Variants in GABRB1 observed in about 807,000 individuals in gnomAD.
GABRB1 encodes the protein gamma-aminobutyric acid receptor subunit beta-1.
A neutral mutation model predicts 51.6 loss-of-function variants in GABRB1; 17 were observed. The observed-to-expected ratio is 0.33, with a 90% CI of 0.23 to 0.49. The LOEUF (loss-of-function observed/expected upper bound fraction) is 0.49, where lower values mean the gene tolerates loss of function less well. Among genes scored for constraint, GABRB1 ranks in the 20% least tolerant of loss-of-function variants. The pLI is 0.99. For missense variants in GABRB1, 410 were observed against 600.6 expected, an observed-to-expected ratio of 0.68 and a Z score of 3.32; for synonymous variants, 247 against 218.9, an observed-to-expected ratio of 1.13 and a Z score of -1.14.
chr4:47,065,652 A>G (rs559278133), intron 3 of GABRB1, among the ~76,000 whole-genome samples: 42 of 152,362 alleles, frequency 2.8e-4, no homozygotes, highest in African/African-American at 1.0e-3. Flanking sequence ...GGTGTAATAT[A>G]AACTTGCCAG....
At chr4:47,082,035 G>A (rs984243926) in intron 3 of GABRB1, among the ~76,000 whole-genome samples, 1 of 151,932 alleles carries the variant, frequency 6.6e-6, no homozygotes, top group Non-Finnish European at 1.5e-5. Flanking sequence ...TTTAGCTAAT[G>A]TATAAAGTTA....
chr4:47,282,113 T>C (rs1457448244), intron 4 of GABRB1, among the ~76,000 whole-genome samples: 3 of 152,246 alleles, frequency 2.0e-5, no homozygotes, highest in Admixed American at 6.5e-5. Context: ...CTTTCTATAA[T>C]AGAAGCATAA....
intron 3 of GABRB1, among the ~76,000 whole-genome samples, chr4:47,069,824 G>A (rs1008503336): frequency 1.3e-5 from 2 of 151,826 alleles, no homozygotes; most frequent in African/African-American, 4.8e-5. Context: ...ATTTTTTAAA[G>A]TGTTGACTAT....
At chr4:47,411,186 A>T (rs1311377489) in intron 8 of GABRB1, among the ~76,000 whole-genome samples, 2 of 152,214 alleles carry the variant, frequency 1.3e-5, no homozygotes, top group African/African-American at 4.8e-5. Context: ...ATTAGTATAA[A>T]TAACTATAAT....
chr4:47,259,507 T>A (rs1398839066), intron 4 of GABRB1, among the ~76,000 whole-genome samples: 2 of 152,170 alleles, frequency 1.3e-5, no homozygotes, highest in Admixed American at 1.3e-4. Flanking sequence ...ATTTATTATC[T>A]CATTCACGTC....
intron 1 of GABRB1, among the ~76,000 whole-genome samples, chr4:46,996,091 A>G (rs1317299818): frequency 2.7e-5 from 4 of 149,292 alleles, no homozygotes; most frequent in Admixed American, 2.0e-4. Context: ...TTTTTTAGAA[A>G]TCTAACATTC....
At chr4:47,019,625 CTCTTTCTTTCTTTCTTTCTTTCTTTCTT>C (rs1157555893) in intron 1 of GABRB1, among the ~76,000 whole-genome samples, 2 of 91,062 alleles carry the variant, frequency 2.2e-5, no homozygotes, top group Non-Finnish European at 4.2e-5. Flanking sequence ...TTCTTTCTCT[CTCTTTCTTTCTTTCTTTCTTTCTTTCTT>C]TCTTTCTTTC....
intron 4 of GABRB1, among the ~76,000 whole-genome samples, chr4:47,298,183 G>A (rs1724089339): frequency 6.6e-6 from 1 of 152,172 alleles, no homozygotes; most frequent in Admixed American, 6.5e-5. Context: ...ACTGGCACAA[G>A]ACAGGGATGC....
intron 3 of GABRB1, among the ~76,000 whole-genome samples, chr4:47,062,167 GCCATTTATA>G (rs1726870255): frequency 6.6e-6 from 1 of 152,100 alleles, no homozygotes; most frequent in South Asian, 2.1e-4. Context: ...GCACTTGTAA[GCCATTTATA>G]CCAAATTCCA....
At chr4:47,259,070 C>T (rs938557590) in intron 4 of GABRB1, among the ~76,000 whole-genome samples, 16 of 152,046 alleles carry the variant, frequency 1.1e-4, no homozygotes, top group African/African-American at 3.6e-4. Flanking sequence ...CTTTCATTGC[C>T]ACCATTGATG....
chr4:47,417,006 T>C (rs1728946748), intron 8 of GABRB1, among the ~76,000 whole-genome samples: 1 of 152,118 alleles, frequency 6.6e-6, no homozygotes, highest in Non-Finnish European at 1.5e-5. Context: ...GTAGAGCAAT[T>C]TGGACCTACT....
At chr4:47,337,444 T>C (rs1233783168) in intron 5 of GABRB1, among the ~76,000 whole-genome samples, 1 of 152,060 alleles carries the variant, frequency 6.6e-6, no homozygotes, top group Non-Finnish European at 1.5e-5. Context: ...ATGGACTGTG[T>C]GCCTCAGTGG....
chr4:47,394,473 C>CTTA (rs1560366601), intron 5 of GABRB1, among the ~76,000 whole-genome samples: 11 of 152,118 alleles, frequency 7.2e-5, no homozygotes, highest in Admixed American at 2.0e-4. Flanking sequence ...AAGTGTGAGG[C>CTTA]ACGAGAACCT....
At chr4:47,191,318 T>C (rs1719433892) in intron 4 of GABRB1, among the ~76,000 whole-genome samples, 1 of 152,162 alleles carries the variant, frequency 6.6e-6, no homozygotes, top group Admixed American at 6.5e-5. Flanking sequence ...TGGCAGTTTA[T>C]TTCTTATTTT....
intron 4 of GABRB1, among the ~76,000 whole-genome samples, chr4:47,260,451 G>A (rs1341286420): frequency 2.6e-5 from 4 of 152,112 alleles, no homozygotes; most frequent in Admixed American, 2.6e-4. Flanking sequence ...GCATGATTTT[G>A]CAGTGGCTGG....
intron 3 of GABRB1, among the ~76,000 whole-genome samples, chr4:47,113,849 A>C (rs931904016): frequency 3.3e-5 from 5 of 152,216 alleles, no homozygotes; most frequent in African/African-American, 1.2e-4. Context: ...TTCTGTTTTC[A>C]ATTTATTCTC....
At chr4:47,399,970 T>G (rs1376205295) in intron 5 of GABRB1, among the ~76,000 whole-genome samples, 1 of 152,186 alleles carries the variant, frequency 6.6e-6, no homozygotes, top group African/African-American at 2.4e-5. Flanking sequence ...TTTAGTAAGC[T>G]CTGGGGAATT....
At chr4:47,291,256 G>T (rs1723719704) in intron 4 of GABRB1, among the ~76,000 whole-genome samples, 2 of 152,190 alleles carry the variant, frequency 1.3e-5, no homozygotes, top group African/African-American at 2.4e-5. Flanking sequence ...GCTTCCATGT[G>T]GTGTTGAGCC....
intron 3 of GABRB1, among the ~76,000 whole-genome samples, chr4:47,118,418 C>G (rs979151453): frequency 1.3e-5 from 2 of 152,058 alleles, no homozygotes; most frequent in South Asian, 4.1e-4. Context: ...TGACTTCACA[C>G]CTTTTCATGT....
Sources: gnomAD v4.1 joint callset for allele counts (sites outside exome capture counted in the v4.1 genomes callset) on GRCh38, gnomAD v4.1.1 for gene constraint, MANE v1.5 for transcripts, NCBI Gene and HGNC (gene_info 2026-07-23, HGNC 2026-07-21) for gene names.